Variants in GRIN2A observed in about 807,000 individuals in gnomAD.
The protein encoded by GRIN2A is glutamate ionotropic receptor NMDA type subunit 2A.
Under a neutral mutation model 113.4 loss-of-function variants are expected in GRIN2A, and 22 were observed. The observed-to-expected ratio is 0.19, with a 90% CI of 0.14 to 0.28. The LOEUF (loss-of-function observed/expected upper bound fraction) is 0.28. Ranked by LOEUF, GRIN2A falls within the 10% of genes least tolerant of loss-of-function variation. The pLI is 1.00. For missense variants in GRIN2A, 1,502 were observed against 1,887.0 expected, an observed-to-expected ratio of 0.80 and a Z score of 3.78; for synonymous variants, 827 against 738.4, an observed-to-expected ratio of 1.12 and a Z score of -1.94.
intron 3 of GRIN2A, among the ~76,000 whole-genome samples, chr16:9,892,686 G>A (rs2043717474): frequency 6.6e-6 from 1 of 152,150 alleles, no homozygotes; most frequent in African/African-American, 2.4e-5. Context: ...TACTCAGGCT[G>A]AACTCAGAGA....
At chr16:9,929,233 G>A (rs985826252) in intron 3 of GRIN2A, among the ~76,000 whole-genome samples, 26 of 152,026 alleles carry the variant, frequency 1.7e-4, no homozygotes, top group Non-Finnish European at 3.4e-4. Flanking sequence ...TTGCATTTTC[G>A]GTTTGTACTC....
intron 2 of GRIN2A, chr16:10,111,720 C>T (rs1443088447): frequency 9.1e-6 from 14 of 1,541,744 alleles, no homozygotes; most frequent in Non-Finnish European, 1.2e-5. Context: ...TTGAACAGGG[C>T]TTCATCACGG....
At chr16:9,798,229 G>GT (rs1903119688) in intron 11 of GRIN2A, 48 bp downstream of exon 11, 1 of 1,481,058 alleles carries the variant, frequency 6.8e-7, no homozygotes, top group South Asian at 1.1e-5. Context: ...CAAAGCGAGT[G>GT]TGAGGGTCTC....
intron 10 of GRIN2A, among the ~76,000 whole-genome samples, chr16:9,813,837 CT>C (rs1351866690): frequency 1.6e-4 from 25 of 152,022 alleles, no homozygotes; most frequent in Non-Finnish European, 5.9e-5. Flanking sequence ...CATTGTTGAT[CT>C]GATTTTCTCT....
chr16:9,980,263 T>C (rs1263429939), intron 2 of GRIN2A, among the ~76,000 whole-genome samples: 2 of 147,684 alleles, frequency 1.4e-5, no homozygotes, highest in Non-Finnish European at 3.0e-5. Flanking sequence ...ACAGAGACTG[T>C]CTCAAAAAAA....
intron 4 of GRIN2A, among the ~76,000 whole-genome samples, chr16:9,873,716 A>G (rs967641276): frequency 2.0e-5 from 3 of 152,242 alleles, no homozygotes; most frequent in African/African-American, 7.2e-5. Flanking sequence ...TATTAAAAGC[A>G]GGTAAATGTT....
rs1366184581 is a variant in GRIN2A at position 9,857,010 on chromosome 16, AT to A, written c.1123-7050del. On this transcript the variant is annotated intron_variant, in intron 4 of 12. Coordinates refer to ENST00000330684, the MANE Select transcript of GRIN2A (RefSeq NM_001134407.3). Reference sequence around the variant, plus strand: ...TACATATCCTTAATATGATGTGATGATAATGGCGTGGTGTTCTACCTGTGTC... The same window carrying A: ...TACATATCCTTAATATGATGTGATGAAATGGCGTGGTGTTCTACCTGTGTC... Among the ~76,000 whole-genome samples the A allele has an allele frequency of 2.6e-5, 4 of 152,232 alleles. No individual in the cohort carries two copies. The East Asian group carries it at 7.7e-4, about 29-fold the overall frequency.
intron 2 of GRIN2A, among the ~76,000 whole-genome samples, chr16:9,996,554 C>A (rs1013840975): frequency 6.6e-6 from 1 of 152,156 alleles, no homozygotes; most frequent in African/African-American, 2.4e-5. Context: ...GTGACCTGTC[C>A]CTGAGCAGAT....
intron 2 of GRIN2A, among the ~76,000 whole-genome samples, chr16:9,954,909 G>A (rs1039524322): frequency 6.6e-6 from 1 of 152,104 alleles, no homozygotes; most frequent in African/African-American, 2.4e-5. Context: ...ATGTTGAGTG[G>A]TAAGTTTGTA....
At chr16:9,885,162 C>T (rs1305001076) in intron 4 of GRIN2A, among the ~76,000 whole-genome samples, 2 of 152,156 alleles carry the variant, frequency 1.3e-5, no homozygotes, top group Non-Finnish European at 2.9e-5. Flanking sequence ...GTTTCCTACA[C>T]ATCCTTGTAG....
intron 4 of GRIN2A, among the ~76,000 whole-genome samples, chr16:9,856,071 G>A (rs2042962095): frequency 6.6e-6 from 1 of 152,156 alleles, no homozygotes; most frequent in Non-Finnish European, 1.5e-5. Flanking sequence ...GTTTCCAGGA[G>A]CAGTGCTAAG....
intron 2 of GRIN2A, among the ~76,000 whole-genome samples, chr16:10,107,131 G>A (rs1383574869): frequency 6.6e-6 from 1 of 152,186 alleles, no homozygotes; most frequent in East Asian, 1.9e-4. Context: ...CTGATTGAAG[G>A]AATGTTGAAC....
chr16:10,172,027 G>C (rs1309053178), intron 2 of GRIN2A, among the ~76,000 whole-genome samples: 1 of 152,184 alleles, frequency 6.6e-6, no homozygotes, highest in Admixed American at 6.5e-5. Flanking sequence ...GCAGCCATGA[G>C]TCTACCACCC....
intron 2 of GRIN2A, among the ~76,000 whole-genome samples, chr16:10,071,852 T>C (rs1255234614): frequency 6.6e-6 from 1 of 152,242 alleles, no homozygotes; most frequent in Non-Finnish European, 1.5e-5. Context: ...ATGCATCATC[T>C]TGTTTAATTT....
At chr16:9,791,777 G>A (rs1014366113) in intron 11 of GRIN2A, among the ~76,000 whole-genome samples, 3 of 151,956 alleles carry the variant, frequency 2.0e-5, no homozygotes, top group Non-Finnish European at 2.9e-5. Flanking sequence ...TATCTTGTAT[G>A]CTTCAGTGGA....
At chr16:10,116,833 G>T (rs969967747) in intron 2 of GRIN2A, among the ~76,000 whole-genome samples, 1 of 152,098 alleles carries the variant, frequency 6.6e-6, no homozygotes, top group African/African-American at 2.4e-5. Flanking sequence ...GTTCTGGGGG[G>T]CATTTATTTA....
At chr16:10,023,054 C>T (rs893370943) in intron 2 of GRIN2A, among the ~76,000 whole-genome samples, 2 of 152,106 alleles carry the variant, frequency 1.3e-5, no homozygotes, top group Non-Finnish European at 2.9e-5. Flanking sequence ...CTTAAACAAC[C>T]CGAGATGATC....
intron 2 of GRIN2A, among the ~76,000 whole-genome samples, chr16:9,961,955 C>T (rs1221862858): frequency 6.6e-6 from 1 of 152,124 alleles, no homozygotes; most frequent in African/African-American, 2.4e-5. Flanking sequence ...AGAAATAATA[C>T]CACATATCTA....
chr16:9,835,623 T>G (rs974816363), intron 7 of GRIN2A, among the ~76,000 whole-genome samples: 1 of 152,136 alleles, frequency 6.6e-6, no homozygotes. Flanking sequence ...TAAGCAAATA[T>G]TTTCTGAGGG....
Sources: gnomAD v4.1 joint callset for allele counts (sites outside exome capture counted in the v4.1 genomes callset) on GRCh38, gnomAD v4.1.1 for gene constraint, MANE v1.5 for transcripts, NCBI Gene and HGNC (gene_info 2026-07-23, HGNC 2026-07-21) for gene names.